Variants in KRT8 observed in about 807,000 individuals in gnomAD.
The protein encoded by KRT8 is keratin, type II cytoskeletal 8.
Under a neutral mutation model 43.0 loss-of-function variants are expected in KRT8, and 24 were observed. The observed-to-expected ratio is 0.56, with a 90% CI of 0.40 to 0.78. KRT8 has a LOEUF of 0.78. KRT8 is among the 30% of genes least tolerant of loss of function. KRT8 has a pLI of 0.00. For missense variants in KRT8, 492 were observed against 638.4 expected (o/e 0.77, Z 2.47); for synonymous variants, 214 against 261.2 (o/e 0.82, Z 1.74).
intron 2 of KRT8, among the ~76,000 whole-genome samples, chr12:52,918,036 G>GGA (rs1941782128): frequency 8.8e-6 from 1 of 113,092 alleles, no homozygotes; most frequent in Non-Finnish European, 1.7e-5. Flanking sequence ...AGAGGAGGAG[G>GGA]AGAAGAAGAA....
intron 2 of KRT8, among the ~76,000 whole-genome samples, chr12:52,917,933 AGAAGAGGAAGAAGAG>A (rs1270816344): frequency 4.7e-5 from 7 of 148,970 alleles, no homozygotes; most frequent in South Asian, 2.2e-4. Flanking sequence ...AAGGAGAAGG[AGAAGAGGAAGAAGAG>A]GAAGAGGAAG....
At chr12:52,917,653 G>C (rs374336147) in intron 2 of KRT8, among the ~76,000 whole-genome samples, 1 of 148,496 alleles carries the variant, frequency 6.7e-6, no homozygotes, top group East Asian at 2.0e-4. Flanking sequence ...AGTTTGCAGC[G>C]AGACAAGATT....
intron 2 of KRT8, among the ~76,000 whole-genome samples, chr12:52,941,227 C>T (rs74089285): frequency 0.038 from 5,829 of 151,652 alleles, 134 homozygotes; most frequent in East Asian, 0.065. Context: ...CCACCACGCC[C>T]GTCTATAAAT....
chr12:52,923,709 C>T (rs572341158), intron 2 of KRT8, among the ~76,000 whole-genome samples: 3 of 152,228 alleles, frequency 2.0e-5, no homozygotes, highest in Admixed American at 1.3e-4. Context: ...TGAGCCACCA[C>T]GCCCGGCTCT....
At chr12:52,904,850 G>C in exon 1 of KRT8, 1 of 1,612,768 alleles carries the variant, frequency 6.2e-7, no homozygotes, top group Non-Finnish European at 8.5e-7. Context: ...CGCGAAAGTT[G>C]CTGCTGCCCA....
intron 2 of KRT8, among the ~76,000 whole-genome samples, chr12:52,941,866 C>T (rs1016366694): frequency 1.3e-5 from 2 of 152,134 alleles, no homozygotes; most frequent in African/African-American, 4.8e-5. Context: ...TCCTTCAGCA[C>T]GTAGAACGCA....
upstream of KRT8, among the ~76,000 whole-genome samples, chr12:52,907,972 C>T (rs1020022620): frequency 6.6e-6 from 1 of 152,222 alleles, no homozygotes; most frequent in Non-Finnish European, 1.5e-5. Flanking sequence ...AAGGGAACAA[C>T]GTGTTTGCGG....
chr12:52,929,349 G>A (rs1156957831), intron 2 of KRT8, among the ~76,000 whole-genome samples: 3 of 151,878 alleles, frequency 2.0e-5, no homozygotes, highest in South Asian at 2.1e-4. Context: ...CCACCACCAC[G>A]CCCAGCTGAT....
intron 2 of KRT8, among the ~76,000 whole-genome samples, chr12:52,927,743 T>C (rs999647982): frequency 2.6e-5 from 4 of 152,178 alleles, no homozygotes; most frequent in African/African-American, 9.6e-5. Context: ...AGTCCCTCCA[T>C]GTGTCTTCTC....
At chr12:52,911,437 G>A (rs950942005), upstream of KRT8, among the ~76,000 whole-genome samples, 1 of 152,156 alleles carries the variant, frequency 6.6e-6, no homozygotes, top group Admixed American at 6.6e-5. Context: ...CACATGCTGG[G>A]AAGACACTGA....
intron 2 of KRT8, among the ~76,000 whole-genome samples, chr12:52,913,784 CT>C (rs1941680888): frequency 6.6e-6 from 1 of 152,248 alleles, no homozygotes; most frequent in Admixed American, 6.5e-5. Flanking sequence ...TGCACACCAC[CT>C]TCCTACGAAC....
At chr12:52,898,833 T>C in exon 6 of KRT8, 2 of 1,613,606 alleles carry the variant, frequency 1.2e-6, no homozygotes, top group Non-Finnish European at 1.7e-6. Flanking sequence ...AACTTGGCGT[T>C]GGCATCCTTA....
intron 2 of KRT8, among the ~76,000 whole-genome samples, chr12:52,918,218 A>AGAAGGAGAAGG (rs1941810725): frequency 7.4e-6 from 1 of 134,834 alleles, no homozygotes; most frequent in South Asian, 2.3e-4. Context: ...GAAGAAGAAG[A>AGAAGGAGAAGG]AGAAGAAGAA....
intron 2 of KRT8, among the ~76,000 whole-genome samples, chr12:52,933,055 T>C (rs1942110442): frequency 6.6e-6 from 1 of 152,208 alleles, no homozygotes; most frequent in South Asian, 2.1e-4. Flanking sequence ...GGGATTCTCC[T>C]GCCTCAGCCT....
chr12:52,926,047 C>T (rs552442040), intron 2 of KRT8, among the ~76,000 whole-genome samples: 3 of 152,044 alleles, frequency 2.0e-5, no homozygotes, highest in Middle Eastern at 3.2e-3. Flanking sequence ...CAGGCTGGTG[C>T]GAGAGGCCCC....
chr12:52,943,967 T>G (rs561067628), intron 2 of KRT8, among the ~76,000 whole-genome samples: 1 of 152,280 alleles, frequency 6.6e-6, no homozygotes, highest in Non-Finnish European at 1.5e-5. Flanking sequence ...TGAGCCCATG[T>G]TAGATGGAAA....
intron 2 of KRT8, among the ~76,000 whole-genome samples, chr12:52,938,944 G>GA (rs777004067): frequency 4.6e-5 from 7 of 152,162 alleles, no homozygotes; most frequent in Admixed American, 3.3e-4. Context: ...AACCAGCCAG[G>GA]TTTAGTGGTA....
intron 2 of KRT8, among the ~76,000 whole-genome samples, chr12:52,932,616 T>C (rs1474571983): frequency 2.6e-5 from 4 of 152,020 alleles, no homozygotes; most frequent in Non-Finnish European, 5.9e-5. Flanking sequence ...AATAAAACTA[T>C]CTTTATTCAC....
chr12:52,912,015 T>C (rs1227915560), upstream of KRT8, among the ~76,000 whole-genome samples: 1 of 152,050 alleles, frequency 6.6e-6, no homozygotes, highest in Non-Finnish European at 1.5e-5. Context: ...GGTGACAGAG[T>C]GAGACACTGT....
Sources: allele counts gnomAD v4.1 joint callset (sites outside exome capture counted in the v4.1 genomes callset), GRCh38; gene constraint gnomAD v4.1.1; transcripts MANE v1.5; gene names NCBI Gene and HGNC (gene_info 2026-07-23, HGNC 2026-07-21).